FBXL13: variants seen among roughly 807,000 people sequenced by gnomAD.
The protein encoded by FBXL13 is F-box and leucine rich repeat protein 13.
A neutral mutation model predicts 83.6 loss-of-function variants in FBXL13; 67 were observed. The observed-to-expected ratio is 0.80, with a 90% confidence interval of 0.66 to 0.98. The LOEUF (loss-of-function observed/expected upper bound fraction) is 0.98, where lower values mean the gene tolerates loss of function less well. Ranked by LOEUF, FBXL13 falls within the 50% of genes least tolerant of loss-of-function variation. The pLI, the probability that FBXL13 is intolerant of heterozygous loss-of-function variation, is 0.00. For synonymous variants in FBXL13, 272 were observed against 299.5 expected, an observed-to-expected ratio of 0.91 and a Z score of 0.95; for missense variants, 822 against 866.5, an observed-to-expected ratio of 0.95 and a Z score of 0.64.
intron 7 of FBXL13, among the ~76,000 whole-genome samples, chr7:102,963,941 C>G (rs1825681070): frequency 6.6e-6 from 1 of 152,114 alleles, no homozygotes; most frequent in Admixed American, 6.6e-5. Flanking sequence ...ACAGATACTT[C>G]TCAAAAGAAG....
intron 6 of FBXL13, among the ~76,000 whole-genome samples, chr7:103,002,336 T>C (rs573606732): frequency 1.3e-5 from 2 of 152,236 alleles, no homozygotes; most frequent in African/African-American, 4.8e-5. Flanking sequence ...TTTTTTGTTG[T>C]CTGAATTCAC....
chr7:103,054,407 A>G lies in FBXL13; in HGVS notation c.-1+1237T>C, dbSNP rs76850819. 8.0e-4 allele frequency among the ~76,000 whole-genome samples: 121 copies of G among 151,468 alleles called. No individual in the cohort carries two copies. In the East Asian group the frequency reaches 0.012, roughly 15 times the overall value. On this transcript the variant is annotated intron_variant, in intron 2 of 19. Coordinates refer to ENST00000313221, the Ensembl canonical transcript of FBXL13. ...TCCGTCTGGAAAAAAAAAAAAAAAA[A>G]AGAGAGAGAGTTATCACACATGGTT... is the stretch of plus-strand genomic sequence containing the variant.
At chr7:103,035,289 G>C (rs1303641749) in intron 2 of FBXL13, among the ~76,000 whole-genome samples, 1 of 152,152 alleles carries the variant, frequency 6.6e-6, no homozygotes, top group Non-Finnish European at 1.5e-5. Context: ...AGGAATTCTT[G>C]AATTTACATG....
At chr7:102,830,898 A>G (rs12669668) in intron 18 of FBXL13, among the ~76,000 whole-genome samples, 27,380 of 152,214 alleles carry the variant, frequency 0.18, 2,737 homozygotes, top group East Asian at 0.43. Context: ...GTGTTGATCA[A>G]TATCTTCCAC....
At chr7:102,837,379 G>A (rs1230678700) in intron 17 of FBXL13, among the ~76,000 whole-genome samples, 5 of 152,198 alleles carry the variant, frequency 3.3e-5, no homozygotes, top group Admixed American at 6.5e-5. Context: ...AAAGGGAAAG[G>A]GGGATAAGGC....
chr7:103,018,995 T>C (rs1161259211), intron 6 of FBXL13, among the ~76,000 whole-genome samples: 1 of 152,144 alleles, frequency 6.6e-6, no homozygotes, highest in Non-Finnish European at 1.5e-5. Flanking sequence ...TACAGAACTC[T>C]CCACCCCAAA....
intron 8 of FBXL13, chr7:102,933,857 A>G: frequency 2.0e-6 from 3 of 1,481,690 alleles, no homozygotes; most frequent in Non-Finnish European, 2.7e-6. Flanking sequence ...ATTTCAAAGG[A>G]ATACTTTCAT....
chr7:102,907,174 T>C (rs1045773923), intron 11 of FBXL13, among the ~76,000 whole-genome samples: 2 of 152,194 alleles, frequency 1.3e-5, no homozygotes, highest in Non-Finnish European at 2.9e-5. Flanking sequence ...GGTTTCACCA[T>C]GTTGGCCAGG....
intron 11 of FBXL13, among the ~76,000 whole-genome samples, chr7:102,887,414 TACACACAC>T (rs67686614): frequency 3.4e-5 from 5 of 148,706 alleles, no homozygotes; most frequent in East Asian, 3.9e-4. Context: ...TATACATACA[TACACACAC>T]ACACACACAC....
intron 6 of FBXL13, chr7:102,973,222 C>T: frequency 4.0e-6 from 1 of 251,330 alleles, no homozygotes; most frequent in Non-Finnish European, 7.7e-6. Context: ...AAAGATTCTC[C>T]CCAACGCCCG....
chr7:102,998,487 T>C (rs1790043137), intron 6 of FBXL13, among the ~76,000 whole-genome samples: 1 of 152,194 alleles, frequency 6.6e-6, no homozygotes, highest in Non-Finnish European at 1.5e-5. Context: ...AATTTATTCC[T>C]AGATATTTTA....
chr7:103,064,417 C>A (rs761861897), intron 1 of FBXL13, among the ~76,000 whole-genome samples: 1 of 152,160 alleles, frequency 6.6e-6, no homozygotes, highest in African/African-American at 2.4e-5. Flanking sequence ...GTAGATGCTA[C>A]GTAGGCAACT....
At chr7:102,957,446 A>C (rs1399553817) in intron 8 of FBXL13, among the ~76,000 whole-genome samples, 1 of 152,218 alleles carries the variant, frequency 6.6e-6, no homozygotes, top group Non-Finnish European at 1.5e-5. Flanking sequence ...AAGAAAACCT[A>C]GACAATATCA....
chr7:102,834,449 A>ATG (rs1801493778), intron 17 of FBXL13, among the ~76,000 whole-genome samples: 1 of 114,942 alleles, frequency 8.7e-6, no homozygotes, highest in Non-Finnish European at 1.7e-5. Context: ...TATTATATAT[A>ATG]TGTGATTATA....
chr7:102,855,069 T>A (rs1205592608), intron 16 of FBXL13, among the ~76,000 whole-genome samples: 1 of 152,218 alleles, frequency 6.6e-6, no homozygotes, highest in East Asian at 1.9e-4. Flanking sequence ...AGGTTGTCTC[T>A]AATGTTTTAC....
chr7:102,965,301 A>G (rs2129479990), intron 7 of FBXL13, among the ~76,000 whole-genome samples: 1 of 152,296 alleles, frequency 6.6e-6, no homozygotes, highest in Non-Finnish European at 1.5e-5. Flanking sequence ...GTTGGCTATG[A>G]CTTAACTAAG....
intron 11 of FBXL13, among the ~76,000 whole-genome samples, chr7:102,891,076 C>T (rs996880474): frequency 6.6e-6 from 1 of 152,204 alleles, no homozygotes; most frequent in Non-Finnish European, 1.5e-5. Context: ...CATTCAAATG[C>T]ACCACAAGCA....
At chr7:102,916,720 C>A (rs774455169) in intron 10 of FBXL13, among the ~76,000 whole-genome samples, 3 of 151,414 alleles carry the variant, frequency 2.0e-5, no homozygotes, top group Non-Finnish European at 4.4e-5. Flanking sequence ...CTTGGTAATT[C>A]TAATTCTGCT....
chr7:102,876,808 T>C (rs1202085180), intron 16 of FBXL13, among the ~76,000 whole-genome samples: 1 of 152,172 alleles, frequency 6.6e-6, no homozygotes, highest in African/African-American at 2.4e-5. Flanking sequence ...GGATATAGGA[T>C]ATAAGATATT....
Sources: allele counts gnomAD v4.1 joint callset (sites outside exome capture counted in the v4.1 genomes callset), GRCh38; gene constraint gnomAD v4.1.1; transcripts MANE v1.5; gene names NCBI Gene and HGNC (gene_info 2026-07-23, HGNC 2026-07-21).